The following MINAR1 variants were observed in gnomAD, a reference collection of about 807,000 sequenced individuals.
The protein encoded by MINAR1 is membrane integral NOTCH2 associated receptor 1.
MINAR1 carries 40 observed loss-of-function variants against 65.1 expected under a neutral mutation model. The ratio of observed to expected loss-of-function variants is 0.61; its 90% confidence interval spans 0.48 to 0.80. MINAR1 has a LOEUF of 0.80. Ranked by LOEUF, MINAR1 falls within the 30% of genes least tolerant of loss-of-function variation. The pLI, the probability that MINAR1 is intolerant of heterozygous loss-of-function variation, is 0.00. For synonymous variants in MINAR1, 482 were observed against 449.1 expected (o/e 1.07, Z -0.93); for missense variants, 1,128 against 1,148.0 (o/e 0.98, Z 0.25).
In MINAR1 at chr15:79,457,975, C is replaced by A. The variant is rs1187451523; in HGVS notation, c.1828C>A (p.Leu610Met). 6.2e-7 allele frequency: 1 copy of A among 1,614,130 alleles called. No individual in the cohort carries two copies. Among genetic ancestry groups the A allele is most frequent in the East Asian group, 2.2e-5 (1 of 44,884 alleles). ...VLRIGEIERKLESLSGVRDEI... is the reference protein window; with the variant it reads ...VLRIGEIERKMESLSGVRDEI... ...CAGGATTGGCGAAATTGAACGGAAG[C>A]TGGAATCCCTGTCGGGTGTCCGTGA... Residue 610 changes from leucine to methionine, a missense_variant, in exon 2 of 4, where the codon CTG becomes ATG. Physicochemically the swap from Leu to Met is conservative, Grantham distance 15. Coordinates refer to ENST00000305428, the MANE Select transcript of MINAR1 (RefSeq NM_015206.3).
intron 1 of MINAR1, among the ~76,000 whole-genome samples, chr15:79,435,438 T>C (rs11634881): frequency 0.049 from 7,472 of 152,316 alleles, 225 homozygotes; most frequent in Middle Eastern, 0.071. Context: ...ATATGGCATA[T>C]TCCCTCTCTG....
At chr15:79,417,401 C>T in the MINAR1 span, 40 of 152,288 alleles carry the variant, frequency 2.6e-4, no homozygotes, top group African/African-American at 9.4e-4. Flanking sequence ...GCTTAGAAAT[C>T]ATCTATGGCA....
the MINAR1 span, chr15:79,413,039 A>G: frequency 6.6e-6 from 1 of 152,206 alleles, no homozygotes; most frequent in Admixed American, 6.5e-5. Flanking sequence ...CAAGGTCATC[A>G]AATAGGATAC....
At chr15:79,452,231 ATGTGT>A (rs1895231733) in intron 1 of MINAR1, among the ~76,000 whole-genome samples, 1 of 150,022 alleles carries the variant, frequency 6.7e-6, no homozygotes, top group Admixed American at 6.6e-5. Flanking sequence ...GTGTGTATGA[ATGTGT>A]TGTGTGTATG....
At chr15:79,427,229 A>T in the MINAR1 span, 1 of 152,330 alleles carries the variant, frequency 6.6e-6, no homozygotes, top group East Asian at 1.9e-4. Context: ...GAACTCATGG[A>T]CACGAAGAAG....
rs79396507 is a variant in MINAR1 at position 79,465,491 on chromosome 15, T to C, written c.2553+2170T>C. Among the ~76,000 whole-genome samples the C allele has an allele frequency of 8.5e-3, 1,289 of 152,148 alleles. 21 individuals are homozygous for C. The highest frequency in any genetic ancestry group is 0.029 in the African/African-American group (1,221 of 41,502). On this transcript the variant is annotated intron_variant, in intron 3 of 3. Transcript: ENST00000305428. ...CCCTTGAAACCTCAGTATTACCTCT[T>C]TTCTACTTGGTGCGATTACAGCTTA...
At chr15:79,463,601 G>A (rs1346113222) in intron 3 of MINAR1, 7 of 626,744 alleles carry the variant, frequency 1.1e-5, no homozygotes, top group South Asian at 1.5e-5. Flanking sequence ...ATGCATTTAC[G>A]ACTCTGTACC....
At chr15:79,421,939 GT>G in the MINAR1 span, 1 of 152,310 alleles carries the variant, frequency 6.6e-6, no homozygotes, top group Non-Finnish European at 1.5e-5. Flanking sequence ...AATAGTGGGA[GT>G]TTGAGTGGAT....
intron 3 of MINAR1, among the ~76,000 whole-genome samples, chr15:79,464,640 TGA>T (rs1895773204): frequency 5.9e-5 from 9 of 152,244 alleles, no homozygotes; most frequent in Admixed American, 5.9e-4. Flanking sequence ...ATGATTGCAA[TGA>T]CATTTCTTTA....
intron 2 of MINAR1, 149 bp from the exon 3 acceptor site, chr15:79,462,918 T>C: frequency 1.3e-6 from 1 of 755,290 alleles, no homozygotes; most frequent in African/African-American, 1.8e-5. Context: ...TCCCTCAATA[T>C]GGTTATGCTT....
intron 3 of MINAR1, among the ~76,000 whole-genome samples, chr15:79,466,508 T>C (rs1468644974): frequency 6.6e-6 from 1 of 152,228 alleles, no homozygotes; most frequent in Non-Finnish European, 1.5e-5. Context: ...TTTTCATATG[T>C]CATAAAATAT....
intron 2 of MINAR1, among the ~76,000 whole-genome samples, chr15:79,459,186 AAAGAT>A (rs1486844868): frequency 2.0e-5 from 3 of 152,192 alleles, no homozygotes; most frequent in Admixed American, 1.3e-4. Flanking sequence ...CAAGAAAAAA[AAAGAT>A]AAGAAAGTCA....
At chr15:79,429,377 T>A (rs1260238152), upstream of MINAR1, among the ~76,000 whole-genome samples, 1 of 152,248 alleles carries the variant, frequency 6.6e-6, no homozygotes, top group Non-Finnish European at 1.5e-5. Flanking sequence ...TTCACATAGG[T>A]GGTTTATATC....
At chr15:79,445,212 T>G (rs147391496) in intron 1 of MINAR1, among the ~76,000 whole-genome samples, 2 of 152,244 alleles carry the variant, frequency 1.3e-5, no homozygotes, top group African/African-American at 4.8e-5. Flanking sequence ...CTCACACTTA[T>G]TAGAGTGCTT....
rs762877021 is a variant in MINAR1, at chr15:79,456,897, C to A, written c.750C>A (p.Val250=). ...TTTCCAATGAGGAGCCATTTGTGGT[C>A]CAGTCCTGTGTCCAGAAAAGGAATA... ...TFISNEEPFV[V]QSCVQKRNIF... Residue 250 remains valine (V), a synonymous_variant, in exon 2 of 4, where the codon GTC becomes GTA. Coordinates refer to ENST00000305428, the MANE Select transcript of MINAR1 (RefSeq NM_015206.3). 21 of 1,614,010 alleles carry A rather than the reference C, an allele frequency of 1.3e-5. No homozygotes were observed. The highest frequency in any genetic ancestry group is 6.8e-6 in the Non-Finnish European group (8 of 1,180,032).
intron 1 of MINAR1, among the ~76,000 whole-genome samples, chr15:79,452,749 G>C (rs1189705814): frequency 7.4e-6 from 1 of 134,486 alleles, no homozygotes; most frequent in Non-Finnish European, 1.7e-5. Context: ...TGTGGGGGGG[G>C]TGTGTGGGTG....
intron 2 of MINAR1, 34 bp downstream of exon 2, chr15:79,458,479 C>A (rs752760872): frequency 2.5e-6 from 4 of 1,591,048 alleles, no homozygotes; most frequent in Non-Finnish European, 1.7e-6. Flanking sequence ...AATCGGGCAC[C>A]AGCTTCATCA....
At chr15:79,446,756 A>G (rs1595937905) in intron 1 of MINAR1, among the ~76,000 whole-genome samples, 1 of 152,148 alleles carries the variant, frequency 6.6e-6, no homozygotes, top group South Asian at 2.1e-4. Context: ...ATTCTTATAT[A>G]TTATCACTTT....
intron 1 of MINAR1, among the ~76,000 whole-genome samples, 169 bp downstream of exon 1, chr15:79,432,709 C>A (rs529807221): frequency 6.6e-6 from 1 of 152,116 alleles, no homozygotes; most frequent in African/African-American, 2.4e-5. Context: ...CATTGCGGGC[C>A]GCGGAGGTGT....
Sources: allele counts gnomAD v4.1 joint callset (sites outside exome capture counted in the v4.1 genomes callset), GRCh38; gene constraint gnomAD v4.1.1; transcripts MANE v1.5; gene names NCBI Gene and HGNC (gene_info 2026-07-23, HGNC 2026-07-21).